STON2: variants seen among roughly 807,000 people sequenced by gnomAD.
The protein encoded by STON2 is stonin-2.
In STON2, 29 loss-of-function variants were observed where a neutral mutation model predicts 65.7. The observed-to-expected ratio is 0.44, with a 90% confidence interval of 0.33 to 0.60. The LOEUF (loss-of-function observed/expected upper bound fraction) is 0.60, where lower values mean the gene tolerates loss of function less well. STON2 is among the 20% of genes least tolerant of loss of function. The pLI is 0.03. For synonymous variants in STON2, 404 were observed against 414.2 expected (o/e 0.98, Z 0.30); for missense variants, 1,054 against 1,118.1 (o/e 0.94, Z 0.82).
intron 4 of STON2, among the ~76,000 whole-genome samples, chr14:81,369,476 G>A (rs1297208610): frequency 2.6e-5 from 4 of 152,102 alleles, no homozygotes; most frequent in African/African-American, 9.7e-5. Context: ...AGAAATCTTG[G>A]CTTTTCCTTC....
chr14:81,298,773 T>A (rs1895863007), intron 5 of STON2, among the ~76,000 whole-genome samples: 1 of 152,240 alleles, frequency 6.6e-6, no homozygotes, highest in South Asian at 2.1e-4. Flanking sequence ...TTTGTGAATA[T>A]GTTGCTCTCA....
At chr14:81,366,576 T>C (rs1175187354) in intron 4 of STON2, among the ~76,000 whole-genome samples, 3 of 149,000 alleles carry the variant, frequency 2.0e-5, no homozygotes, top group African/African-American at 7.5e-5. Context: ...CGGCAGGGGG[T>C]GGGGGGGCAA....
intron 2 of STON2, among the ~76,000 whole-genome samples, chr14:81,397,611 C>T (rs1416031030): frequency 1.3e-5 from 2 of 152,108 alleles, no homozygotes; most frequent in Non-Finnish European, 2.9e-5. Context: ...CTTCAGTTGG[C>T]ACTGGTAGCT....
chr14:81,342,741 T>A (rs1437026827), intron 4 of STON2, among the ~76,000 whole-genome samples: 1 of 151,212 alleles, frequency 6.6e-6, no homozygotes. Context: ...GATCCTGGAG[T>A]CCCGGGTACA....
intron 2 of STON2, among the ~76,000 whole-genome samples, chr14:81,408,126 T>C (rs1900958572): frequency 7.0e-6 from 1 of 142,064 alleles, no homozygotes; most frequent in Non-Finnish European, 1.5e-5. Context: ...CTGAACAGAG[T>C]TCACTGAAGA....
At chr14:81,406,718 T>C (rs1447562310) in intron 2 of STON2, among the ~76,000 whole-genome samples, 1 of 152,210 alleles carries the variant, frequency 6.6e-6, no homozygotes, top group Non-Finnish European at 1.5e-5. Context: ...GGACCACCAA[T>C]GTCCCCCACT....
At chr14:81,388,074 C>A (rs1899907321) in intron 3 of STON2, among the ~76,000 whole-genome samples, 1 of 150,366 alleles carries the variant, frequency 6.7e-6, no homozygotes, top group Non-Finnish European at 1.5e-5. Context: ...CTCAGCCTCC[C>A]AAGTAGCTGA....
chr14:81,403,932 T>C (rs148511270), upstream of STON2, among the ~76,000 whole-genome samples: 79 of 152,312 alleles, frequency 5.2e-4, 2 homozygotes, highest in South Asian at 0.012. Context: ...TTTACCAAAT[T>C]ATAATGAAAT....
intron 3 of STON2, among the ~76,000 whole-genome samples, chr14:81,393,339 C>A (rs992654929): frequency 2.0e-5 from 3 of 152,200 alleles, no homozygotes; most frequent in African/African-American, 7.2e-5. Context: ...GAGCACCCCA[C>A]CCATCACTTA....
intron 3 of STON2, among the ~76,000 whole-genome samples, chr14:81,381,588 ATC>A (rs1491030281): frequency 6.6e-6 from 1 of 152,056 alleles, no homozygotes; most frequent in African/African-American, 2.4e-5. Flanking sequence ...TGCAATTTAA[ATC>A]ACATGATATA....
intron 6 of STON2, among the ~76,000 whole-genome samples, chr14:81,276,182 A>G: frequency 6.6e-6 from 1 of 152,212 alleles, no homozygotes; most frequent in East Asian, 1.9e-4. Context: ...GGGGGAAGTA[A>G]TTGCCTTCTG....
intron 3 of STON2, among the ~76,000 whole-genome samples, chr14:81,379,347 T>A (rs1291069670): frequency 6.6e-6 from 1 of 152,166 alleles, no homozygotes; most frequent in East Asian, 1.9e-4. Context: ...GAGGAAGTAT[T>A]TCTAAAGTTT....
chr14:81,385,608 A>T (rs981430226), intron 3 of STON2, among the ~76,000 whole-genome samples: 4 of 152,210 alleles, frequency 2.6e-5, no homozygotes, highest in Non-Finnish European at 5.9e-5. Flanking sequence ...AGCTGACTTC[A>T]CTGAGGGCGC....
chr14:81,360,140 GA>G (rs1287385002), intron 4 of STON2, among the ~76,000 whole-genome samples: 1 of 152,010 alleles, frequency 6.6e-6, no homozygotes, highest in African/African-American at 2.4e-5. Context: ...ACAAACTCTT[GA>G]AAAAAATTAA....
intron 1 of STON2, among the ~76,000 whole-genome samples, chr14:81,428,823 GT>G (rs1015016005): frequency 6.6e-6 from 1 of 152,080 alleles, no homozygotes; most frequent in Non-Finnish European, 1.5e-5. Flanking sequence ...ATCCCATTTG[GT>G]TTTTTTAAAC....
At chr14:81,423,426 G>T (rs1901812188) in intron 2 of STON2, among the ~76,000 whole-genome samples, 1 of 152,164 alleles carries the variant, frequency 6.6e-6, no homozygotes, top group Non-Finnish European at 1.5e-5. Context: ...TGGACTCCCT[G>T]TTAAAAACTG....
At position 81,278,689 on chromosome 14, in the gene STON2, T is replaced by C. The variant is rs773077624; in HGVS notation, c.793A>G (p.Ser265Gly). Residue 265 changes from serine (S) to glycine (G), a missense_variant, in exon 6 of 8, where the codon AGC becomes GGC. By Grantham distance (56) the Ser-to-Gly change is moderately conservative. Transcript: ENST00000614646. ...ATGGCTGGACTGCTGGCCTGCCAGC[T>C]GATGGCCTCCATCTCTACTTCTTCA... ...EDEEVEMEAI[S>G]WQASSPAMNG... 2 of 1,525,074 alleles carry C rather than the reference T, an allele frequency of 1.3e-6. No individual in the cohort carries two copies. The highest frequency in any genetic ancestry group is 4.4e-5 in the Admixed American group (2 of 45,084). The allele number at this position is 1,525,074 out of a possible 1,614,324, so 94.5% of individuals were successfully genotyped here. A position where few individuals can be genotyped will look rare whatever the true frequency, so the allele number is the denominator to read the frequency against.
intron 5 of STON2, among the ~76,000 whole-genome samples, chr14:81,297,205 C>T (rs1895796277): frequency 6.6e-6 from 1 of 152,148 alleles, no homozygotes; most frequent in Non-Finnish European, 1.5e-5. Flanking sequence ...CAACCAGGTA[C>T]TGTATGCCAG....
At position 81,275,067 on chromosome 14, in the gene STON2, A is replaced by G. The variant is rs149514523; in HGVS notation, c.2581+1834T>C. Among the ~76,000 whole-genome samples, 391 of 152,208 alleles carry G rather than the reference A, an allele frequency of 2.6e-3. 1 individual carries two copies. The highest frequency in any genetic ancestry group is 8.9e-3 in the African/African-American group (369 of 41,532). The stretch of plus-strand genomic sequence containing the variant: ...TCTTCTCTTGATCAGTCTTTTCCTC[A>G]GGTCTCTGAGCTATCCTATCCAATA... On this transcript the variant is annotated intron_variant, in intron 6 of 7. Coordinates refer to ENST00000614646, the MANE Select transcript of STON2 (RefSeq NM_001394390.1).
Sources: gnomAD v4.1 joint callset for allele counts (sites outside exome capture counted in the v4.1 genomes callset) on GRCh38, gnomAD v4.1.1 for gene constraint, MANE v1.5 for transcripts, NCBI Gene and HGNC (gene_info 2026-07-23, HGNC 2026-07-21) for gene names.